The following C12orf42 variants were observed in gnomAD, a reference collection of about 807,000 sequenced individuals.
C12orf42 encodes the protein uncharacterized protein C12orf42.
In C12orf42, 25 loss-of-function variants were observed where a neutral mutation model predicts 21.6. The observed-to-expected ratio is 1.16, with a 90% confidence interval of 0.84 to 1.62. The LOEUF is 1.62. Ranked by LOEUF, C12orf42 falls within the 40% of genes most tolerant of loss-of-function variation. The probability of loss-of-function intolerance (pLI) is 0.00; values close to 1 mark genes in which losing one functional copy is unlikely to be tolerated. For synonymous variants in C12orf42, 174 were observed against 175.0 expected, an observed-to-expected ratio of 0.99 and a Z score of 0.05; for missense variants, 483 against 459.3, an observed-to-expected ratio of 1.05 and a Z score of -0.47.
the C12orf42 span, among the ~76,000 whole-genome samples, chr12:103,555,297 T>A: frequency 2.6e-5 from 4 of 152,266 alleles, no homozygotes; most frequent in South Asian, 8.3e-4. Context: ...ACATCTTACA[T>A]GGATGGCAGC....
chr12:103,286,242 C>T (rs1056306732), intron 4 of C12orf42, among the ~76,000 whole-genome samples: 11 of 149,188 alleles, frequency 7.4e-5, no homozygotes, highest in African/African-American at 2.5e-4. Context: ...CAGAGCAAGA[C>T]TCCATCTCAA....
the C12orf42 span, among the ~76,000 whole-genome samples, chr12:103,079,437 T>C: frequency 1.3e-5 from 2 of 152,168 alleles, no homozygotes; most frequent in African/African-American, 2.4e-5. Flanking sequence ...TCTAGAATAA[T>C]GTAAGAGAAG....
chr12:103,511,642 G>C, the C12orf42 span, among the ~76,000 whole-genome samples: 1 of 152,006 alleles, frequency 6.6e-6, no homozygotes, highest in Non-Finnish European at 1.5e-5. Context: ...ACTCAAAAGA[G>C]CCTCTGGCTT....
chr12:103,423,737 C>T (rs1436850987), intron 2 of C12orf42, among the ~76,000 whole-genome samples: 1 of 151,986 alleles, frequency 6.6e-6, no homozygotes, highest in Non-Finnish European at 1.5e-5. Flanking sequence ...ATACTTTTTT[C>T]CCCCAAGTTG....
the C12orf42 span, among the ~76,000 whole-genome samples, chr12:103,508,593 C>A: frequency 6.6e-6 from 1 of 152,156 alleles, no homozygotes; most frequent in Non-Finnish European, 1.5e-5. Context: ...TGAAATGTCC[C>A]CATTTCCCCA....
chr12:103,103,616 T>C, the C12orf42 span, among the ~76,000 whole-genome samples: 2 of 152,176 alleles, frequency 1.3e-5, no homozygotes, highest in African/African-American at 2.4e-5. Context: ...AGGAAGATAT[T>C]TTGAGCCCAA....
chr12:103,314,338 A>G (rs2039256262), intron 4 of C12orf42, among the ~76,000 whole-genome samples: 1 of 152,180 alleles, frequency 6.6e-6, no homozygotes, highest in South Asian at 2.1e-4. Flanking sequence ...GCAGTTGCCC[A>G]GTGAAAGGTG....
the C12orf42 span, among the ~76,000 whole-genome samples, chr12:103,115,269 A>G: frequency 2.6e-5 from 4 of 152,194 alleles, no homozygotes; most frequent in African/African-American, 9.7e-5. Context: ...TTTTATTGCG[A>G]CCATAAAATA....
At chr12:103,422,062 TAAATA>T (rs2049964598) in intron 2 of C12orf42, among the ~76,000 whole-genome samples, 2 of 152,138 alleles carry the variant, frequency 1.3e-5, no homozygotes, top group Non-Finnish European at 2.9e-5. Flanking sequence ...AATCGCTCCT[TAAATA>T]AAGAAAAAAG....
At chr12:103,331,702 T>A (rs2137059670) in intron 4 of C12orf42, among the ~76,000 whole-genome samples, 1 of 152,170 alleles carries the variant, frequency 6.6e-6, no homozygotes. Flanking sequence ...CAATGCAAAA[T>A]TGAACAAAAC....
the C12orf42 span, among the ~76,000 whole-genome samples, chr12:103,520,524 T>TAACAACAACAAC: frequency 1.2e-4 from 18 of 149,954 alleles, no homozygotes; most frequent in Admixed American, 4.6e-4. Flanking sequence ...CCTCTGCCCC[T>TAACAACAACAAC]AACAACAACA....
chr12:103,491,034 C>T (rs552512053), intron 1 of C12orf42, among the ~76,000 whole-genome samples: 1 of 152,090 alleles, frequency 6.6e-6, no homozygotes, highest in Non-Finnish European at 1.5e-5. Context: ...TCCAGTCTGG[C>T]AATCATATAA....
chr12:103,299,159 AATAAC>A (rs558646942), downstream of C12orf42, among the ~76,000 whole-genome samples: 1 of 152,110 alleles, frequency 6.6e-6, no homozygotes, highest in Non-Finnish European at 1.5e-5. Context: ...CTATGTATAA[AATAAC>A]ATATTATACA....
At chr12:103,064,322 C>A in the C12orf42 span, among the ~76,000 whole-genome samples, 46 of 152,246 alleles carry the variant, frequency 3.0e-4, no homozygotes, top group South Asian at 6.0e-3. Flanking sequence ...TGGCAGGGGC[C>A]AAATGGCAGC....
chr12:103,511,717 A>C, the C12orf42 span, among the ~76,000 whole-genome samples: 1 of 152,206 alleles, frequency 6.6e-6, no homozygotes, highest in African/African-American at 2.4e-5. Context: ...ACTCACCTCC[A>C]AGTTGACTAA....
At chr12:103,373,863 A>T (rs749392136) in intron 3 of C12orf42, among the ~76,000 whole-genome samples, 1 of 152,246 alleles carries the variant, frequency 6.6e-6, no homozygotes, top group Non-Finnish European at 1.5e-5. Context: ...CACTAGGTAT[A>T]CAAATCCAAG....
the C12orf42 span, among the ~76,000 whole-genome samples, chr12:103,098,381 A>T: frequency 5.3e-5 from 8 of 152,234 alleles, no homozygotes; most frequent in South Asian, 2.1e-4. Flanking sequence ...GAAGTAATTC[A>T]TATACAGCTC....
the C12orf42 span, among the ~76,000 whole-genome samples, chr12:103,109,434 G>C: frequency 6.6e-6 from 1 of 152,102 alleles, no homozygotes; most frequent in Non-Finnish European, 1.5e-5. Flanking sequence ...TCACTGGAGA[G>C]TGAGAGGCGG....
the C12orf42 span, among the ~76,000 whole-genome samples, chr12:103,507,384 A>C: frequency 7.1e-6 from 1 of 140,864 alleles, no homozygotes; most frequent in Non-Finnish European, 1.5e-5. Flanking sequence ...AAAAGTGGAA[A>C]ATAGGTTGGG....
Sources: gnomAD v4.1 joint callset for allele counts (sites outside exome capture counted in the v4.1 genomes callset) on GRCh38, gnomAD v4.1.1 for gene constraint, MANE v1.5 for transcripts, NCBI Gene and HGNC (gene_info 2026-07-23, HGNC 2026-07-21) for gene names.